Variants in CTNND2 observed in about 807,000 individuals in gnomAD.
CTNND2 encodes catenin delta-2.
Under a neutral mutation model 144.4 loss-of-function variants are expected in CTNND2, and 22 were observed. The ratio of observed to expected loss-of-function variants is 0.15; its 90% CI spans 0.11 to 0.22. CTNND2 has a LOEUF of 0.22. Ranked by LOEUF, CTNND2 falls within the 10% of genes least tolerant of loss-of-function variation. CTNND2 has a pLI of 1.00. For missense variants in CTNND2, 1,353 were observed against 1,618.8 expected, an observed-to-expected ratio of 0.84 and a Z score of 2.82; for synonymous variants, 751 against 695.6, an observed-to-expected ratio of 1.08 and a Z score of -1.25.
intron 16 of CTNND2, among the ~76,000 whole-genome samples, chr5:11,052,750 C>T (rs1044870304): frequency 7.2e-5 from 11 of 152,042 alleles, no homozygotes; most frequent in African/African-American, 1.4e-4. Flanking sequence ...TTTAGGGCGG[C>T]GGCCCTGGGC....
At chr5:11,104,424 T>C (rs935574642) in intron 14 of CTNND2, among the ~76,000 whole-genome samples, 1 of 152,200 alleles carries the variant, frequency 6.6e-6, no homozygotes, top group African/African-American at 2.4e-5. Flanking sequence ...GCCAGCACTA[T>C]GTACTTTAAA....
At chr5:11,533,264 T>C (rs1255330526) in intron 3 of CTNND2, among the ~76,000 whole-genome samples, 1 of 152,246 alleles carries the variant, frequency 6.6e-6, no homozygotes, top group Non-Finnish European at 1.5e-5. Flanking sequence ...AACAACATGA[T>C]AGCCTGTGCT....
chr5:11,182,379 G>C (rs1029677364), intron 11 of CTNND2, among the ~76,000 whole-genome samples: 1 of 151,960 alleles, frequency 6.6e-6, no homozygotes, highest in African/African-American at 2.4e-5. Flanking sequence ...CTAAGAGTGT[G>C]CACACCTGTA....
chr5:11,018,707 C>CTTTTT (rs35528177), intron 17 of CTNND2, among the ~76,000 whole-genome samples: 4 of 129,612 alleles, frequency 3.1e-5, no homozygotes, highest in African/African-American at 5.6e-5. Context: ...GGCCCTGACT[C>CTTTTT]TTTTTTTTTT....
At chr5:11,568,213 A>G (rs564738692) in intron 2 of CTNND2, among the ~76,000 whole-genome samples, 2 of 152,272 alleles carry the variant, frequency 1.3e-5, no homozygotes, top group African/African-American at 4.8e-5. Flanking sequence ...GTTTCCTTAC[A>G]TACATGGGCT....
Position 11,895,361 on chromosome 5 carries a change from G to A in CTNND2, c.37+8456C>T, listed in dbSNP as rs909801279. ...TAATAGTGAATATACCACATACTCT[G>A]CTATGTATTTTAAGTCCATGGTCTC... On this transcript the variant is annotated intron_variant, in intron 1 of 21. Transcript: ENST00000304623. Among the ~76,000 whole-genome samples, 4 of 152,158 alleles carry A rather than the reference G, an allele frequency of 2.6e-5. 1 individual carries two copies. Among genetic ancestry groups the A allele is most frequent in the African/African-American group, 9.7e-5 (4 of 41,416 alleles).
chr5:11,730,212 G>A (rs7732155), intron 2 of CTNND2, among the ~76,000 whole-genome samples: 13,466 of 152,028 alleles, frequency 0.089, 1,192 homozygotes, highest in African/African-American at 0.23. Flanking sequence ...TTCCTCTCTT[G>A]TTTAAAACTT....
At chr5:11,654,143 T>C (rs930348997) in intron 2 of CTNND2, among the ~76,000 whole-genome samples, 17 of 152,042 alleles carry the variant, frequency 1.1e-4, no homozygotes, top group African/African-American at 3.9e-4. Flanking sequence ...ATTATTATCA[T>C]AGCTCTTCAG....
intron 12 of CTNND2, among the ~76,000 whole-genome samples, chr5:11,118,250 T>G (rs1057070343): frequency 2.6e-5 from 4 of 152,190 alleles, no homozygotes; most frequent in Non-Finnish European, 5.9e-5. Context: ...AGGAAAATCT[T>G]GGGGTGCTTT....
intron 3 of CTNND2, among the ~76,000 whole-genome samples, chr5:11,500,738 C>T (rs1581350317): frequency 6.6e-6 from 1 of 152,172 alleles, no homozygotes; most frequent in South Asian, 2.1e-4. Flanking sequence ...TTCTAAAATA[C>T]ACATACTGAA....
chr5:11,032,979 T>C (rs1158504901), intron 16 of CTNND2, among the ~76,000 whole-genome samples: 1 of 152,230 alleles, frequency 6.6e-6, no homozygotes, highest in East Asian at 1.9e-4. Flanking sequence ...ACTGTACACA[T>C]ATACTGCAAT....
chr5:11,879,366 CACACACACAA>C, intron 1 of CTNND2, among the ~76,000 whole-genome samples: 1 of 62,216 alleles, frequency 1.6e-5, no homozygotes, highest in African/African-American at 5.3e-5. Context: ...TACATATACA[CACACACACAA>C]ACATATACAT....
chr5:11,409,074 C>T lies in CTNND2; in HGVS notation c.439+2462G>A, dbSNP rs189368415. Among the ~76,000 whole-genome samples the T allele has an allele frequency of 7.2e-5, 11 of 151,944 alleles. No individual in the cohort carries two copies. The East Asian group carries it at 1.9e-3, about 27-fold the overall frequency. On this transcript the variant is annotated intron_variant, in intron 5 of 21. Transcript: ENST00000304623. ...TTTTTAATCATGAAGTTAAGATATC[C>T]TCTGAATGTGTTTTTTCCCCCATAC...
intron 10 of CTNND2, among the ~76,000 whole-genome samples, chr5:11,219,764 A>C (rs901825118): frequency 8.5e-5 from 13 of 152,242 alleles, no homozygotes; most frequent in Non-Finnish European, 1.8e-4. Flanking sequence ...AAAAAGTCAA[A>C]GGATCAGAAT....
At chr5:11,073,219 T>C (rs1430330427) in intron 16 of CTNND2, among the ~76,000 whole-genome samples, 1 of 152,226 alleles carries the variant, frequency 6.6e-6, no homozygotes, top group Non-Finnish European at 1.5e-5. Context: ...AGTCCACACA[T>C]AGAAGGGAAT....
At position 11,009,822 on chromosome 5, in the gene CTNND2, T is replaced by G. The variant is rs554398341; in HGVS notation, c.3084+8152A>C. Among the ~76,000 whole-genome samples, 43 of 152,380 alleles carry G rather than the reference T, an allele frequency of 2.8e-4. No homozygotes were observed. The East Asian group carries it at 6.2e-3, about 22-fold the overall frequency. ...AACTGCCATGTGCATTGATTTCCAC[T>G]TTTGCACAATTGATTTTTGCTTCTT... On this transcript the variant is annotated intron_variant, in intron 18 of 21. Transcript: ENST00000304623.
At chr5:10,986,648 T>TAA in intron 20 of CTNND2, 1 of 456,128 alleles carries the variant, frequency 2.2e-6, no homozygotes, top group Non-Finnish European at 4.4e-6. Context: ...CTAGAGTCCA[T>TAA]GTAATGAGTT....
intron 3 of CTNND2, among the ~76,000 whole-genome samples, chr5:11,502,522 A>T (rs1433660497): frequency 6.6e-6 from 1 of 152,204 alleles, no homozygotes; most frequent in South Asian, 2.1e-4. Flanking sequence ...TGATACTTAA[A>T]TAAATTATTA....
intron 16 of CTNND2, among the ~76,000 whole-genome samples, chr5:11,080,468 C>T (rs1049948359): frequency 6.6e-6 from 1 of 152,180 alleles, no homozygotes; most frequent in Non-Finnish European, 1.5e-5. Flanking sequence ...AATCCCACTT[C>T]TGGGTATATA....
Sources: gnomAD v4.1 joint callset for allele counts (sites outside exome capture counted in the v4.1 genomes callset) on GRCh38, gnomAD v4.1.1 for gene constraint, MANE v1.5 for transcripts, NCBI Gene and HGNC (gene_info 2026-07-23, HGNC 2026-07-21) for gene names.